SAMD3: variants seen among roughly 807,000 people sequenced by gnomAD.
SAMD3 encodes sterile alpha motif domain containing 3, also known as sterile alpha motif domain-containing protein 3.
SAMD3 carries 63 observed loss-of-function variants against 58.5 expected under a neutral mutation model. That is an observed-to-expected ratio of 1.08 (90% CI 0.88 to 1.33). The LOEUF is 1.33. Ranked by LOEUF, SAMD3 falls within the 40% of genes most tolerant of loss-of-function variation. SAMD3 has a pLI of 0.00. For synonymous variants in SAMD3, 220 were observed against 210.3 expected, an observed-to-expected ratio of 1.05 and a Z score of -0.40; for missense variants, 604 against 608.4, an observed-to-expected ratio of 0.99 and a Z score of 0.08.
chr6:130,198,327 C>T (rs1256779006), intron 5 of SAMD3, among the ~76,000 whole-genome samples: 3 of 152,136 alleles, frequency 2.0e-5, no homozygotes, highest in Non-Finnish European at 4.4e-5. Flanking sequence ...CCCTTAGCCT[C>T]CTGAGCAGCT....
intron 2 of SAMD3, among the ~76,000 whole-genome samples, chr6:130,302,331 T>G (rs564176197): frequency 6.6e-6 from 1 of 152,256 alleles, no homozygotes; most frequent in Non-Finnish European, 1.5e-5. Context: ...GAAAAAATGC[T>G]CATCAACACT....
intron 2 of SAMD3, among the ~76,000 whole-genome samples, chr6:130,246,245 T>C (rs145830998): frequency 1.6e-4 from 24 of 152,332 alleles, no homozygotes; most frequent in African/African-American, 5.5e-4. Context: ...GTTTTATAGA[T>C]TTAACTTTAA....
At chr6:130,347,316 G>T (rs896340764) in intron 1 of SAMD3, among the ~76,000 whole-genome samples, 2 of 152,026 alleles carry the variant, frequency 1.3e-5, no homozygotes, top group Non-Finnish European at 2.9e-5. Context: ...GGCAAAGAAG[G>T]TAAAAACCTT....
chr6:130,311,419 C>A (rs1480139250), intron 2 of SAMD3, among the ~76,000 whole-genome samples: 3 of 152,180 alleles, frequency 2.0e-5, no homozygotes, highest in African/African-American at 7.2e-5. Context: ...TGCAGACACT[C>A]TCATGGTTCT....
intron 5 of SAMD3, among the ~76,000 whole-genome samples, chr6:130,191,785 A>G (rs1489798154): frequency 6.6e-6 from 1 of 152,192 alleles, no homozygotes; most frequent in Admixed American, 6.5e-5. Context: ...ATAAAAGTCA[A>G]TGGTCTGTAA....
intron 7 of SAMD3, among the ~76,000 whole-genome samples, chr6:130,181,493 G>A (rs1176137494): frequency 6.6e-6 from 1 of 152,156 alleles, no homozygotes; most frequent in African/African-American, 2.4e-5. Context: ...AATCTGCTAA[G>A]CAATTTTGCA....
chr6:130,365,463 AGCCCGCCAGGGGGACCCCG>A (rs1269595486), upstream of SAMD3: 3 of 985,430 alleles, frequency 3.0e-6, no homozygotes, highest in Non-Finnish European at 3.6e-6. Context: ...GCGCCCGCGC[AGCCCGCCAGGGGGACCCCG>A]GCCCGCCGGG....
At position 130,154,880 on chromosome 6, in the gene SAMD3, C is replaced by T. The variant is rs765384203; in HGVS notation, c.968G>A (p.Arg323Gln). The part of the protein sequence containing the change: ...LEIRRKMIGS[R>Q]TPLKDILKLF... ...TTTAAGAATGTCCTTCAGAGGTGTTCGGCTGCCAATCATCTTTCTTCTTAT... is the reference window on the plus strand; with the variant it reads ...TTTAAGAATGTCCTTCAGAGGTGTTTGGCTGCCAATCATCTTTCTTCTTAT... Residue 323 changes from arginine to glutamine, a missense_variant, in exon 9 of 12, where the codon CGA (arginine) becomes CAA (glutamine). Arg to Gln is a conservative substitution (Grantham distance 43). Transcript: ENST00000439090. 21 of 1,613,056 alleles carry T rather than the reference C, an allele frequency of 1.3e-5. No homozygotes were observed. Among genetic ancestry groups the T allele is most frequent in the African/African-American group, 5.4e-5 (4 of 74,718 alleles).
chr6:130,219,742 T>C (rs1055026325), intron 1 of SAMD3, among the ~76,000 whole-genome samples: 3 of 152,188 alleles, frequency 2.0e-5, no homozygotes, highest in African/African-American at 2.4e-5. Context: ...TTGATGGGGT[T>C]TGGGGTTGGT....
intron 4 of SAMD3, 84 bp from the exon 5 acceptor site, chr6:130,209,692 C>A: frequency 2.6e-6 from 2 of 783,404 alleles, no homozygotes; most frequent in South Asian, 1.6e-5. Context: ...TAGCACCAGC[C>A]CAGAGTAAAC....
chr6:130,156,911 A>G (rs1024596858), intron 8 of SAMD3, among the ~76,000 whole-genome samples: 2 of 152,072 alleles, frequency 1.3e-5, no homozygotes, highest in Non-Finnish European at 2.9e-5. Context: ...TCTACTAAAA[A>G]TACAAAAAAG....
rs549108636 is a variant in SAMD3, at chr6:130,263,628, T to G, written c.-187-40815A>C. 3.5e-4 allele frequency among the ~76,000 whole-genome samples: 53 copies of G among 152,330 alleles called. No homozygotes were observed. The South Asian group carries it at 0.011, about 30-fold the overall frequency. ...TACGCTATTACTCTTTCTTCTTTCC[T>G]CGTTCTATTGCTGACCATCTAGTTA... On this transcript the variant is annotated intron_variant, in intron 2 of 13. Transcript: ENST00000368134.
intron 8 of SAMD3, chr6:130,160,120 C>A (rs918156548): frequency 1.3e-5 from 2 of 152,148 alleles, no homozygotes; most frequent in Non-Finnish European, 2.9e-5. Flanking sequence ...CCAGCAAATC[C>A]ACTCCTAAGT....
chr6:130,219,914 T>C (rs964880653), intron 1 of SAMD3, among the ~76,000 whole-genome samples: 11 of 152,266 alleles, frequency 7.2e-5, no homozygotes, highest in Admixed American at 1.3e-4. Context: ...ATCAGAGTTG[T>C]CTGTAATTCA....
chr6:130,344,825 C>CAAAAAAAAAAAAAAAA (rs56795907), intron 1 of SAMD3, among the ~76,000 whole-genome samples: 5 of 41,106 alleles, frequency 1.2e-4, no homozygotes, highest in East Asian at 9.5e-4. Context: ...ACAACAACAG[C>CAAAAAAAAAAAAAAAA]AAAAAAAAAA....
At chr6:130,325,267 G>A (rs1370575057) in intron 1 of SAMD3, among the ~76,000 whole-genome samples, 4 of 152,148 alleles carry the variant, frequency 2.6e-5, no homozygotes, top group Admixed American at 1.3e-4. Flanking sequence ...CCTTGATATG[G>A]TGTCTGCAAG....
chr6:130,341,021 A>T (rs944481678), intron 1 of SAMD3, among the ~76,000 whole-genome samples: 1 of 152,208 alleles, frequency 6.6e-6, no homozygotes, highest in Non-Finnish European at 1.5e-5. Flanking sequence ...TTTTCAGTAC[A>T]TTTAGAACAC....
intron 5 of SAMD3, 78 bp from the exon 6 acceptor site, chr6:130,184,701 C>A (rs1792766480): frequency 1.6e-6 from 2 of 1,248,592 alleles, no homozygotes; most frequent in Admixed American, 5.3e-5. Context: ...ATCCTGAGAA[C>A]TTATGAAATA....
chr6:130,259,007 A>C (rs1366062736), intron 2 of SAMD3, among the ~76,000 whole-genome samples: 4 of 152,172 alleles, frequency 2.6e-5, no homozygotes, highest in African/African-American at 9.7e-5. Flanking sequence ...AAAGATATGA[A>C]GTAAGTTAGA....
Sources: gnomAD v4.1 joint callset for allele counts (sites outside exome capture counted in the v4.1 genomes callset) on GRCh38, gnomAD v4.1.1 for gene constraint, MANE v1.5 for transcripts, NCBI Gene and HGNC (gene_info 2026-07-23, HGNC 2026-07-21) for gene names.